Variants in LYRM4 observed in about 807,000 individuals in gnomAD.
LYRM4 encodes the protein LYR motif-containing protein 4.
In LYRM4, 9 loss-of-function variants were observed where a neutral mutation model predicts 11.7. The observed-to-expected ratio is 0.77, with a 90% CI of 0.46 to 1.34. The LOEUF is 1.34. Among genes scored for constraint, LYRM4 ranks in the 40% most tolerant of loss-of-function variants. The pLI is 0.00. For missense variants in LYRM4, 133 were observed against 112.5 expected (o/e 1.18, Z -0.82); for synonymous variants, 42 against 40.4 (o/e 1.04, Z -0.15).
At chr6:5,219,768 C>T (rs865927199) in intron 1 of LYRM4, among the ~76,000 whole-genome samples, 10 of 151,596 alleles carry the variant, frequency 6.6e-5, no homozygotes, top group Non-Finnish European at 1.5e-4. Context: ...AGCCTCTTGA[C>T]CATACCACTG....
the LYRM4 span, chr6:5,034,025 G>A: frequency 6.6e-6 from 1 of 152,442 alleles, no homozygotes; most frequent in South Asian, 2.1e-4. Context: ...CCAGAGCCAT[G>A]CTTTTGCATT....
chr6:5,216,716 T>C lies in LYRM4; in HGVS notation c.109A>G (p.Arg37Gly), dbSNP rs377487577. ...TTTTTATTTTCTCTGAAGGCATCTC[T>C]TATCCTCCTGACAGCATATGTTCTA... is the stretch of plus-strand genomic sequence containing the variant. ...NYRTYAVRRI[R>G]DAFRENKNVK... Residue 37 changes from arginine to glycine, a missense_variant, in exon 2 of 3, where the codon AGA becomes GGA. Transcript: ENST00000330636. 2.5e-6 allele frequency: 4 copies of C among 1,613,512 alleles called. No homozygotes were observed. The highest frequency in any genetic ancestry group is 1.7e-4 in the Middle Eastern group (1 of 6,060).
chr6:5,087,247 C>T, the LYRM4 span: 2 of 152,180 alleles, frequency 1.3e-5, no homozygotes, highest in Admixed American at 1.3e-4. Flanking sequence ...TGAATTTTGG[C>T]TTTCGTGAGT....
downstream of LYRM4, among the ~76,000 whole-genome samples, chr6:5,100,261 G>A (rs1420495292): frequency 6.6e-6 from 1 of 152,186 alleles, no homozygotes; most frequent in Non-Finnish European, 1.5e-5. Flanking sequence ...CTGGGTTCTT[G>A]CCTGGAATCT....
the LYRM4 span, among the ~76,000 whole-genome samples, chr6:5,073,702 C>T: frequency 6.6e-6 from 1 of 152,046 alleles, no homozygotes; most frequent in East Asian, 1.9e-4. Flanking sequence ...TAAAATGTGA[C>T]TCTCTATGTG....
chr6:5,112,378 G>A, intron 2 of LYRM4, among the ~76,000 whole-genome samples: 1 of 152,236 alleles, frequency 6.6e-6, no homozygotes, highest in East Asian at 1.9e-4. Flanking sequence ...GAGCGAGCGA[G>A]CGAAGGAATC....
chr6:5,120,042 A>G (rs1020397408), intron 2 of LYRM4, among the ~76,000 whole-genome samples: 4 of 151,806 alleles, frequency 2.6e-5, no homozygotes, highest in African/African-American at 7.3e-5. Flanking sequence ...CTACAGGTGC[A>G]TGCCACCACG....
At chr6:5,063,065 A>G in the LYRM4 span, among the ~76,000 whole-genome samples, 1 of 152,118 alleles carries the variant, frequency 6.6e-6, no homozygotes, top group East Asian at 1.9e-4. Flanking sequence ...AGTCATTTCC[A>G]TCTCTGCACC....
At chr6:5,185,159 AC>A (rs1217378379) in intron 2 of LYRM4, among the ~76,000 whole-genome samples, 4 of 152,140 alleles carry the variant, frequency 2.6e-5, no homozygotes, top group African/African-American at 9.7e-5. Flanking sequence ...GAATCCCAAT[AC>A]CTGGGTGAAA....
chr6:5,067,091 G>A, the LYRM4 span: 4 of 278,794 alleles, frequency 1.4e-5, no homozygotes, highest in Admixed American at 1.1e-4. Flanking sequence ...TGCACTTGGC[G>A]GAAAAATTAA....
At chr6:5,134,448 G>T (rs956263680) in intron 2 of LYRM4, among the ~76,000 whole-genome samples, 1 of 152,176 alleles carries the variant, frequency 6.6e-6, no homozygotes, top group Non-Finnish European at 1.5e-5. Context: ...GAAGATTGGT[G>T]ATATTTGTGA....
At chr6:5,112,120 T>C (rs544603472) in intron 2 of LYRM4, among the ~76,000 whole-genome samples, 1 of 152,274 alleles carries the variant, frequency 6.6e-6, no homozygotes, top group African/African-American at 2.4e-5. Flanking sequence ...GGCGCTCTTC[T>C]GTCCACCCGT....
the LYRM4 span, chr6:5,032,808 G>A: frequency 6.6e-6 from 1 of 152,176 alleles, no homozygotes; most frequent in Non-Finnish European, 1.5e-5. Flanking sequence ...CAGCCCAAAT[G>A]TGCTGTGGCT....
chr6:5,074,214 A>T, the LYRM4 span, among the ~76,000 whole-genome samples: 1 of 152,148 alleles, frequency 6.6e-6, no homozygotes, highest in Non-Finnish European at 1.5e-5. Context: ...TGGCTATGTA[A>T]ATACATAGAA....
chr6:5,086,038 G>T, the LYRM4 span: 3 of 1,488,432 alleles, frequency 2.0e-6, no homozygotes, highest in African/African-American at 4.4e-5. Flanking sequence ...GGCCGCGGCG[G>T]CAGTGGCCGC....
intron 1 of LYRM4, among the ~76,000 whole-genome samples, chr6:5,258,548 T>A (rs562565483): frequency 3.9e-5 from 6 of 152,218 alleles, no homozygotes; most frequent in African/African-American, 1.4e-4. Flanking sequence ...GCTGCAGAGA[T>A]TAGAGAGGAG....
chr6:5,242,072 C>T (rs1763912728), intron 1 of LYRM4, among the ~76,000 whole-genome samples: 1 of 150,532 alleles, frequency 6.6e-6, no homozygotes, highest in African/African-American at 2.4e-5. Context: ...GGCTTGCTTA[C>T]ACTTTTTTTT....
the LYRM4 span, among the ~76,000 whole-genome samples, chr6:5,071,602 A>G: frequency 1.3e-5 from 2 of 150,566 alleles, no homozygotes; most frequent in Non-Finnish European, 3.0e-5. Context: ...ATGTGTGTGT[A>G]TGTATGTGTG....
the LYRM4 span, among the ~76,000 whole-genome samples, chr6:5,096,692 A>C: frequency 6.6e-6 from 1 of 152,190 alleles, no homozygotes. Context: ...GTGAGTTTTC[A>C]TGCTTGCAAA....
Sources: allele counts gnomAD v4.1 joint callset (sites outside exome capture counted in the v4.1 genomes callset), GRCh38; gene constraint gnomAD v4.1.1; transcripts MANE v1.5; gene names NCBI Gene and HGNC (gene_info 2026-07-23, HGNC 2026-07-21).